The following FDXR variants were observed in gnomAD, a reference collection of about 807,000 sequenced individuals.
The protein encoded by FDXR is NADPH:adrenodoxin oxidoreductase, mitochondrial.
FDXR carries 38 observed loss-of-function variants against 58.3 expected under a neutral mutation model. The observed-to-expected ratio is 0.65, with a 90% CI of 0.50 to 0.85. The LOEUF is 0.85. Ranked by LOEUF, FDXR falls within the 40% of genes least tolerant of loss-of-function variation. The probability of loss-of-function intolerance (pLI) is 0.00; values close to 1 mark genes in which losing one functional copy is unlikely to be tolerated. For synonymous variants in FDXR, 275 were observed against 273.8 expected (o/e 1.00, Z -0.04); for missense variants, 624 against 671.0 (o/e 0.93, Z 0.77).
chr17:74,867,099 G>T (rs1345913642), intron 2 of FDXR: 1 of 907,788 alleles, frequency 1.1e-6, no homozygotes, highest in African/African-American at 1.7e-5. Flanking sequence ...CTGAGGTCAG[G>T]AGTTCGAGAC....
rs1035130090 is a variant in FDXR at position 74,868,870 on chromosome 17, A to G, written c.178-1994T>C. ...TTTCTACTCTCTCTCTCCTGCCCAGACATCTCCCCAAGCTCCAAACCTGAG... is the reference window on the plus strand; with the variant it reads ...TTTCTACTCTCTCTCTCCTGCCCAGGCATCTCCCCAAGCTCCAAACCTGAG... On this transcript the variant is annotated intron_variant, in intron 2 of 11. Coordinates refer to ENST00000293195, the MANE Select transcript of FDXR (RefSeq NM_024417.5). 10 of 856,954 alleles carry G rather than the reference A, an allele frequency of 1.2e-5. No individual in the cohort carries two copies. In the Admixed American group the frequency reaches 2.7e-4, roughly 23 times the overall value. The allele number at this position is 856,954 out of a possible 1,614,324, so 53.1% of individuals were successfully genotyped here. A position where few individuals can be genotyped will look rare whatever the true frequency, so the allele number is the denominator to read the frequency against.
rs773992770 is a variant in FDXR, at chr17:74,863,253, G to A, written c.1175-7C>T. 1.9e-6 allele frequency: 3 copies of A among 1,609,104 alleles called. No individual in the cohort carries two copies. Among genetic ancestry groups the A allele is most frequent in the Non-Finnish European group, 2.5e-6 (3 of 1,177,786 alleles). The stretch of plus-strand genomic sequence containing the variant: ...CAGCCGCTGCAGTAGAGGCCTGAGA[G>A]GGGGTAACAAAAGGGGAAGGGAGGG... On this transcript the variant is annotated splice_polypyrimidine_tract_variant and splice_region_variant and intron_variant, in intron 10 of 11. Transcript: ENST00000293195.
chr17:74,868,551 G>A (rs2038270551), intron 2 of FDXR: 12 of 1,532,568 alleles, frequency 7.8e-6, no homozygotes, highest in Non-Finnish European at 1.0e-5. Context: ...CAACCTCTCT[G>A]TCCTTATCTT....
chr17:74,871,899 G>A (rs1034476580), intron 2 of FDXR, 137 bp downstream of exon 2: 33 of 588,160 alleles, frequency 5.6e-5, no homozygotes, highest in Non-Finnish European at 9.1e-5. Flanking sequence ...GAAGCAAGTG[G>A]GAAGTGTCCA....
intron 5 of FDXR, 93 bp downstream of exon 5, chr17:74,866,028 TCACAGCTCGC>T: frequency 2.0e-6 from 2 of 1,001,358 alleles, no homozygotes; most frequent in Non-Finnish European, 3.1e-6. Flanking sequence ...CAGCACAATG[TCACAGCTCGC>T]CACTGGATGG....
At chr17:74,872,354 C>A (rs758078542) in intron 1 of FDXR, 21 of 1,279,384 alleles carry the variant, frequency 1.6e-5, no homozygotes, top group Non-Finnish European at 2.0e-5. Context: ...CACCCATGAA[C>A]CTACTACACC....
In FDXR at chr17:74,872,879, G is replaced by T; in HGVS notation, c.66C>A (p.Ala22=). 1 of 1,548,890 alleles carries T rather than the reference G, an allele frequency of 6.5e-7. No homozygotes were observed. Among genetic ancestry groups the T allele is most frequent in the South Asian group, 1.2e-5 (1 of 84,116 alleles). The stretch of plus-strand genomic sequence containing the variant: ...CCCTGCTCCTACTCGGGGTGCTCCC[G>T]GCGGGAGGCAGCCGGGTCCGAGGCC... ...SAWPRTRLPP[A]GSTPSFCHHF... is the part of the protein sequence containing the mutation. Residue 22 remains alanine (A), a synonymous_variant, in exon 1 of 12, where the codon GCC becomes GCA. Transcript: ENST00000293195.
At chr17:74,866,929 G>A (rs774517967) in intron 2 of FDXR, 53 bp from the exon 3 acceptor site, 34 of 1,585,864 alleles carry the variant, frequency 2.1e-5, no homozygotes, top group Middle Eastern at 1.7e-4. Flanking sequence ...AGGCTGGGAC[G>A]CCCCCAGGTC....
rs2038429256 is a variant in FDXR at position 74,872,975 on chromosome 17, G to A, written c.-31C>T. On this transcript the variant is annotated 5_prime_UTR_variant, in exon 1 of 12. Coordinates refer to ENST00000293195, the MANE Select transcript of FDXR (RefSeq NM_024417.5). ...GGAGCAGCAACCTGCAAGTGGATCTGTTCCTAGCTACTGCTCCGCAGGGCA... is the reference window on the plus strand; with the variant it reads ...GGAGCAGCAACCTGCAAGTGGATCTATTCCTAGCTACTGCTCCGCAGGGCA... The A allele has an allele frequency of 2.6e-6, 4 of 1,540,802 alleles. No homozygotes were observed. The highest frequency in any genetic ancestry group is 4.9e-5 in the East Asian group (2 of 40,818).
Position 74,862,743 on chromosome 17 carries a change from C to T in FDXR, c.*74G>A. ...CGGGATCAGCAGAGGTGCAAAGTCC[C>T]ACTCAGACGGACCCAGCCCTTCCCC... On this transcript the variant is annotated 3_prime_UTR_variant, in exon 12 of 12. Transcript: ENST00000293195. 1 of 1,525,070 alleles carries T rather than the reference C, an allele frequency of 6.6e-7. No homozygotes were observed. The highest frequency in any genetic ancestry group is 1.9e-5 in the Admixed American group (1 of 52,306). The allele number at this position is 1,525,070 out of a possible 1,614,324, so 94.5% of individuals were successfully genotyped here. A position where few individuals can be genotyped will look rare whatever the true frequency, so the allele number is the denominator to read the frequency against.
At position 74,863,106 on chromosome 17, in the gene FDXR, C is replaced by T. The variant is rs772780318; in HGVS notation, c.1315G>A (p.Ala439Thr). ...CTGCTGAGCAGGGCCTGGATGGCTG[C>T]GTAGCCAGGCCTGGGGCCAGAGGGG... ...LLPSGPRPGYAAIQALLSSRG... is the reference protein window; with the variant it reads ...LLPSGPRPGYTAIQALLSSRG... Residue 439 changes from alanine to threonine, a missense_variant, in exon 11 of 12, where the codon GCA becomes ACA. By Grantham distance (58) the Ala-to-Thr change is moderately conservative. Coordinates refer to ENST00000293195, the MANE Select transcript of FDXR (RefSeq NM_024417.5). The T allele has an allele frequency of 7.4e-6, 12 of 1,613,170 alleles. No individual in the cohort carries two copies. The highest frequency in any genetic ancestry group is 3.3e-5 in the Admixed American group (2 of 59,990).
Position 74,866,126 on chromosome 17 carries a change from C to T in FDXR, c.507+5G>A, listed in dbSNP as rs2038172065. 16 of 1,605,948 alleles carry T rather than the reference C, an allele frequency of 1.0e-5. No homozygotes were observed. The highest frequency in any genetic ancestry group is 1.3e-5 in the Non-Finnish European group (15 of 1,173,632). The stretch of plus-strand genomic sequence containing the variant: ...AGAGGCAGCGGGCGTGCTCCCCATA[C>T]TCACCTCCTGGTTCTCAGGAAGCCC... On this transcript the variant is annotated splice_donor_5th_base_variant and intron_variant, in intron 5 of 11. Coordinates refer to ENST00000293195, the MANE Select transcript of FDXR (RefSeq NM_024417.5).
In FDXR at chr17:74,864,266, C is replaced by T. The variant is rs372052799; in HGVS notation, c.884G>A (p.Arg295His). 26 of 1,597,108 alleles carry T rather than the reference C, an allele frequency of 1.6e-5. No homozygotes were observed. The highest frequency in any genetic ancestry group is 7.7e-5 in the South Asian group (7 of 90,706). ...TEKPGPAEAA[R>H]QASASRAWGL... The stretch of plus-strand genomic sequence containing the variant: ...CCAGGCACGGGAGGCCGATGCCTGG[C>T]GGGCAGCTTCCGCCGGCCCTGGCTT... The change falls in exon 9 of 12, where the codon CGC becomes CAC. Residue 295 changes from arginine to histidine, a missense_variant. Physicochemically the swap from Arg to His is conservative, Grantham distance 29 (BLOSUM62 0). Coordinates refer to ENST00000293195, the MANE Select transcript of FDXR (RefSeq NM_024417.5).
At chr17:74,870,516 CAAAAAAAAA>C (rs1168237892) in intron 2 of FDXR, among the ~76,000 whole-genome samples, 3 of 54,982 alleles carry the variant, frequency 5.5e-5, no homozygotes, top group South Asian at 1.1e-3. Flanking sequence ...GACTCCATCT[CAAAAAAAAA>C]AAAAAAAAAA....
At chr17:74,872,467 G>C in intron 1 of FDXR, 1 of 640,098 alleles carries the variant, frequency 1.6e-6, no homozygotes, top group South Asian at 2.0e-5. Flanking sequence ...GCCCCCGTGG[G>C]TCTCCCCACG....
Position 74,863,626 on chromosome 17 carries a change from C to A in FDXR, c.1174+270G>T, listed in dbSNP as rs1257276182. Among the ~76,000 whole-genome samples, 2 of 152,210 alleles carry A rather than the reference C, an allele frequency of 1.3e-5. No homozygotes were observed. The highest frequency in any genetic ancestry group is 4.8e-5 in the African/African-American group (2 of 41,442). ...ACAGGCTGCCTTATTAATCTCCAAT[C>A]CCAGCACTAAGCACAGGGCCTAACC... On this transcript the variant is annotated intron_variant, in intron 10 of 11. Coordinates refer to ENST00000293195, the MANE Select transcript of FDXR (RefSeq NM_024417.5).
rs768871114 is a variant in FDXR at position 74,862,755 on chromosome 17, C to G, written c.*62G>C. On this transcript the variant is annotated 3_prime_UTR_variant, in exon 12 of 12. Coordinates refer to ENST00000293195, the MANE Select transcript of FDXR (RefSeq NM_024417.5). ...AGGTGCAAAGTCCCACTCAGACGGA[C>G]CCAGCCCTTCCCCTCCCAACACTCA... 3 of 1,550,992 alleles carry G rather than the reference C, an allele frequency of 1.9e-6. No individual in the cohort carries two copies. In the African/African-American group the frequency reaches 4.1e-5, roughly 21 times the overall value.
Position 74,862,680 on chromosome 17 carries a change from C to G in FDXR, c.*137G>C. 1 of 1,220,452 alleles carries G rather than the reference C, an allele frequency of 8.2e-7. No homozygotes were observed. Among genetic ancestry groups the G allele is most frequent in the Non-Finnish European group, 1.1e-6 (1 of 895,088 alleles). 75.6% of individuals were successfully genotyped at this position (1,220,452 alleles called of 1,614,324 possible). A position where few individuals can be genotyped will look rare whatever the true frequency, so the allele number is the denominator to read the frequency against. ...GACCTTCCCCAGGAGGGAGGAGAGA[C>G]GCTGGAAGAGCAGCCAAGCCTCCAA... is the stretch of plus-strand genomic sequence containing the variant. On this transcript the variant is annotated 3_prime_UTR_variant, in exon 12 of 12. Coordinates refer to ENST00000293195, the MANE Select transcript of FDXR (RefSeq NM_024417.5).
At chr17:74,866,688 G>T in intron 3 of FDXR, 96 bp downstream of exon 3, 1 of 1,579,086 alleles carries the variant, frequency 6.3e-7, no homozygotes, top group South Asian at 1.1e-5. Flanking sequence ...GGGCACAGAC[G>T]GCATGAAGTC....
Sources: gnomAD v4.1 joint callset for allele counts (sites outside exome capture counted in the v4.1 genomes callset) on GRCh38, gnomAD v4.1.1 for gene constraint, MANE v1.5 for transcripts, NCBI Gene and HGNC (gene_info 2026-07-23, HGNC 2026-07-21) for gene names.